CNTNAP2: variants seen among roughly 807,000 people sequenced by gnomAD.
CNTNAP2 encodes contactin associated protein 2.
CNTNAP2 carries 98 observed loss-of-function variants against 155.2 expected under a neutral mutation model. The ratio of observed to expected loss-of-function variants is 0.63; its 90% CI spans 0.54 to 0.75. CNTNAP2 has a LOEUF of 0.75. CNTNAP2 is among the 30% of genes least tolerant of loss of function. The pLI, the probability that CNTNAP2 is intolerant of heterozygous loss-of-function variation, is 0.00. For synonymous variants in CNTNAP2, 651 were observed against 631.2 expected, an observed-to-expected ratio of 1.03 and a Z score of -0.47; for missense variants, 1,727 against 1,688.1, an observed-to-expected ratio of 1.02 and a Z score of -0.40.
chr7:146,662,113 G>C (rs1050669936), intron 1 of CNTNAP2, among the ~76,000 whole-genome samples: 1 of 151,294 alleles, frequency 6.6e-6, no homozygotes, highest in Non-Finnish European at 1.5e-5. Context: ...TCTTTTCTTT[G>C]GGGAAGACAG....
chr7:146,805,704 G>A (rs1033080048), intron 2 of CNTNAP2, among the ~76,000 whole-genome samples: 3 of 152,138 alleles, frequency 2.0e-5, no homozygotes, highest in Non-Finnish European at 2.9e-5. Flanking sequence ...CAGCCACACC[G>A]TAACTAGTTG....
intron 13 of CNTNAP2, among the ~76,000 whole-genome samples, chr7:147,735,117 G>T (rs7457355): frequency 0.06 from 9,163 of 151,848 alleles, 884 homozygotes; most frequent in African/African-American, 0.21. Flanking sequence ...TGATGTTAGG[G>T]TGTCAATTTT....
At chr7:147,683,866 G>A (rs1379097900) in intron 13 of CNTNAP2, among the ~76,000 whole-genome samples, 1 of 150,722 alleles carries the variant, frequency 6.6e-6, no homozygotes, top group African/African-American at 2.4e-5. Context: ...GGCACTTGGT[G>A]TTGATGCATG....
chr7:147,620,446 T>C (rs943566966), intron 12 of CNTNAP2, among the ~76,000 whole-genome samples: 2 of 151,800 alleles, frequency 1.3e-5, no homozygotes, highest in Non-Finnish European at 2.9e-5. Context: ...GGAGAAGGTA[T>C]TCAGAATTCT....
chr7:146,147,430 T>G (rs1797972959), intron 1 of CNTNAP2, among the ~76,000 whole-genome samples: 1 of 152,176 alleles, frequency 6.6e-6, no homozygotes, highest in Admixed American at 6.6e-5. Flanking sequence ...GCTGGGTTTT[T>G]CCTGTCTTTT....
intron 1 of CNTNAP2, among the ~76,000 whole-genome samples, chr7:146,735,335 G>C (rs1414321924): frequency 6.6e-6 from 1 of 152,132 alleles, no homozygotes; most frequent in African/African-American, 2.4e-5. Context: ...GGCAGATGAC[G>C]AGGTCAGGAG....
At chr7:147,031,582 A>G (rs535170465) in intron 3 of CNTNAP2, among the ~76,000 whole-genome samples, 119 of 152,354 alleles carry the variant, frequency 7.8e-4, no homozygotes, top group African/African-American at 2.7e-3. Context: ...TCTGAGTGAA[A>G]GAAGCCAGTG....
chr7:147,061,647 A>G (rs1440986370), intron 4 of CNTNAP2, among the ~76,000 whole-genome samples: 3 of 152,202 alleles, frequency 2.0e-5, no homozygotes, highest in African/African-American at 7.2e-5. Context: ...TCCACGATTC[A>G]GTGATTCTCT....
Position 148,217,470 on chromosome 7 carries a change from C to A in CNTNAP2, c.3193C>A (p.Leu1065Ile), listed in dbSNP as rs146225600. 389 of 1,614,214 alleles carry A rather than the reference C, an allele frequency of 2.4e-4. 1 individual carries two copies. In the African/African-American group the frequency reaches 4.8e-3, roughly 20 times the overall value. ...CACCACCAAGGCGCCCTGCATTCTC[C>A]TCTACATCAGCTCCTTCACCACAGA... ...FSTTKAPCIL[L>I]YISSFTTDFL... The change falls in exon 19 of 24, where the codon CTC becomes ATC. Residue 1065 changes from leucine to isoleucine, a missense_variant. Physicochemically the swap from Leu to Ile is conservative, Grantham distance 5. Coordinates refer to ENST00000361727, the MANE Select transcript of CNTNAP2 (RefSeq NM_014141.6).
chr7:147,038,492 A>G (rs1799200119), intron 3 of CNTNAP2, among the ~76,000 whole-genome samples: 1 of 152,228 alleles, frequency 6.6e-6, no homozygotes, highest in South Asian at 2.1e-4. Context: ...GATTTCTCAA[A>G]TGATGTCATC....
At chr7:146,807,734 G>C (rs1210889867) in intron 2 of CNTNAP2, among the ~76,000 whole-genome samples, 1 of 151,464 alleles carries the variant, frequency 6.6e-6, no homozygotes, top group Non-Finnish European at 1.5e-5. Context: ...CTCCATCTCT[G>C]TATTTTCTTC....
chr7:146,703,053 C>T (rs1263931969), intron 1 of CNTNAP2, among the ~76,000 whole-genome samples: 4 of 152,114 alleles, frequency 2.6e-5, no homozygotes. Flanking sequence ...GCAAGTTATC[C>T]TTCCAATAAA....
chr7:146,550,876 T>C (rs1798111587), intron 1 of CNTNAP2, among the ~76,000 whole-genome samples: 1 of 152,014 alleles, frequency 6.6e-6, no homozygotes, highest in Admixed American at 6.6e-5. Flanking sequence ...GGATGCTTCA[T>C]GAATGAAGTG....
At chr7:147,995,342 A>T (rs1404128922) in intron 15 of CNTNAP2, among the ~76,000 whole-genome samples, 2 of 151,922 alleles carry the variant, frequency 1.3e-5, no homozygotes, top group Non-Finnish European at 2.9e-5. Context: ...CAGCACAAGG[A>T]TGCTGCCTCT....
chr7:146,994,193 C>G (rs551099087), intron 3 of CNTNAP2, among the ~76,000 whole-genome samples: 1 of 151,968 alleles, frequency 6.6e-6, no homozygotes, highest in South Asian at 2.1e-4. Context: ...GGTAAGGGAG[C>G]TGGGTTTTGA....
intron 9 of CNTNAP2, among the ~76,000 whole-genome samples, chr7:147,382,594 A>T (rs1182404005): frequency 6.6e-6 from 1 of 152,196 alleles, no homozygotes; most frequent in African/African-American, 2.4e-5. Context: ...AACTTTGGAT[A>T]TATTAGTGTT....
chr7:147,154,885 G>C (rs1346347359), intron 8 of CNTNAP2, among the ~76,000 whole-genome samples: 1 of 151,930 alleles, frequency 6.6e-6, no homozygotes, highest in South Asian at 2.1e-4. Flanking sequence ...TTATGTCTTC[G>C]ATTCATTATA....
chr7:147,591,223 T>C (rs1418522925), intron 12 of CNTNAP2, among the ~76,000 whole-genome samples: 1 of 152,234 alleles, frequency 6.6e-6, no homozygotes, highest in African/African-American at 2.4e-5. Context: ...TACCATGGAC[T>C]GGGTAGCTTA....
chr7:146,246,627 C>CAATTGG (rs1799661949), intron 1 of CNTNAP2, among the ~76,000 whole-genome samples: 1 of 151,508 alleles, frequency 6.6e-6, no homozygotes, highest in African/African-American at 2.4e-5. Context: ...GCTTCCGAGG[C>CAATTGG]GATCCGACAG....
Sources: gnomAD v4.1 joint callset for allele counts (sites outside exome capture counted in the v4.1 genomes callset) on GRCh38, gnomAD v4.1.1 for gene constraint, MANE v1.5 for transcripts, NCBI Gene and HGNC (gene_info 2026-07-23, HGNC 2026-07-21) for gene names.